SLC52A1: variants seen among roughly 807,000 people sequenced by gnomAD.
SLC52A1 encodes solute carrier family 52, riboflavin transporter, member 1.
Under a neutral mutation model 23.2 loss-of-function variants are expected in SLC52A1, and 20 were observed. That is an observed-to-expected ratio of 0.86 (90% confidence interval 0.61 to 1.25). The LOEUF (loss-of-function observed/expected upper bound fraction) is 1.25, where lower values mean the gene tolerates loss of function less well. Ranked by LOEUF, SLC52A1 falls within the 50% of genes most tolerant of loss-of-function variation. The pLI is 0.00. For synonymous variants in SLC52A1, 260 were observed against 256.6 expected, an observed-to-expected ratio of 1.01 and a Z score of -0.13; for missense variants, 528 against 557.0, an observed-to-expected ratio of 0.95 and a Z score of 0.52.
At position 5,034,325 on chromosome 17, in the gene SLC52A1, A is replaced by G; in HGVS notation, c.164T>C (p.Val55Ala). 1 of 1,588,186 alleles carries G rather than the reference A, an allele frequency of 6.3e-7. No individual in the cohort carries two copies. The highest frequency in any genetic ancestry group is 8.6e-7 in the Non-Finnish European group (1 of 1,167,548). ...CAGCAGACCCAGGTTTCCCAGCGCC[A>G]CAACCACAGAGAGGTATGAGGGGAG... ...WSLPSYLSVV[V>A]ALGNLGLLVV... The change falls in exon 3 of 5, where the codon GTG becomes GCG. Residue 55 changes from valine (V) to alanine (A), a missense_variant. Physicochemically the swap from Val to Ala is moderately conservative, Grantham distance 64 (BLOSUM62 0). Coordinates refer to ENST00000254853, the MANE Select transcript of SLC52A1 (RefSeq NM_017986.4).
chr17:5,037,744 G>A (rs566544108), upstream of SLC52A1, among the ~76,000 whole-genome samples: 330 of 152,156 alleles, frequency 2.2e-3, no homozygotes, highest in African/African-American at 7.7e-3. Flanking sequence ...GTACGTTTGC[G>A]CGGAGGAGGC....
At chr17:5,039,547 C>T (rs1975520450), upstream of SLC52A1, among the ~76,000 whole-genome samples, 1 of 151,616 alleles carries the variant, frequency 6.6e-6, no homozygotes, top group South Asian at 2.1e-4. Context: ...TCTCGGCTCA[C>T]CGCAACATCC....
chr17:5,033,555 C>G lies in SLC52A1; in HGVS notation c.934G>C (p.Ala312Pro). 6.2e-7 allele frequency: 1 copy of G among 1,613,882 alleles called. No individual in the cohort carries two copies. Among genetic ancestry groups the G allele is most frequent in the South Asian group, 1.1e-5 (1 of 91,062 alleles). ...SFSCLPYGRL[A>P]YHLAVVLGSA... ...CCCAGCACCACAGCCAGGTGGTAGG[C>G]CAGGCGCCCATAGGGCAAACAGGAA... Residue 312 changes from alanine (A) to proline (P), a missense_variant, in exon 3 of 5, where the codon GCC (alanine) becomes CCC (proline). Coordinates refer to ENST00000254853, the MANE Select transcript of SLC52A1 (RefSeq NM_017986.4).
rs137937212 is a variant in SLC52A1 at position 5,034,271 on chromosome 17, G to A, written c.218C>T (p.Pro73Leu). 124 of 1,609,324 alleles carry A rather than the reference G, an allele frequency of 7.7e-5. 1 individual carries two copies. Among genetic ancestry groups the A allele is most frequent in the Admixed American group, 2.9e-4 (17 of 59,630 alleles). Reference sequence around the variant, plus strand: ...GATGGGGACCTGCTCGCCCTTGCCCGGGGCCAGCTGCCTCCACAGGGTCAC... The same window carrying A: ...GATGGGGACCTGCTCGCCCTTGCCCAGGGCCAGCTGCCTCCACAGGGTCAC... ...LVVTLWRQLA[P>L]GKGEQVPIQV... The change falls in exon 3 of 5, where the codon CCG becomes CTG. Residue 73 changes from proline to leucine, a missense_variant. Coordinates refer to ENST00000254853, the MANE Select transcript of SLC52A1 (RefSeq NM_017986.4).
chr17:5,042,042 C>A (rs998442526), intron 1 of SLC52A1, among the ~76,000 whole-genome samples: 1 of 152,152 alleles, frequency 6.6e-6, no homozygotes, highest in Non-Finnish European at 1.5e-5. Context: ...AGCCGTCCAA[C>A]TTCCAATTTT....
chr17:5,033,799 C>T lies in SLC52A1; in HGVS notation c.690G>A (p.Gly230=). 1 of 1,614,224 alleles carries T rather than the reference C, an allele frequency of 6.2e-7. No individual in the cohort carries two copies. The highest frequency in any genetic ancestry group is 8.5e-7 in the Non-Finnish European group (1 of 1,180,042). Residue 230 remains glycine (G), a synonymous_variant, in exon 3 of 5, where the codon GGG becomes GGA. Coordinates refer to ENST00000254853, the MANE Select transcript of SLC52A1 (RefSeq NM_017986.4). ...SLPSVTTGGS[G]PELQLGSPGA... is the part of the protein sequence containing the mutation. ...CTGGGGATCCCAGTTGAAGTTCAGG[C>T]CCTGAGCCCCCTGTGGTTACAGAGG...
chr17:5,037,425 A>G (rs1011535954), upstream of SLC52A1, among the ~76,000 whole-genome samples: 1 of 152,096 alleles, frequency 6.6e-6, no homozygotes, highest in Non-Finnish European at 1.5e-5. Context: ...AGGCTGAGAT[A>G]TGAGAATCGC....
rs772093353 is a variant in SLC52A1 at position 5,033,639 on chromosome 17, C to CCAG, written c.847_849dup (p.Leu283dup). ...ACGGCACTGGTGAAGGCCATCAGGC[C>CCAG]CAGCAGGAAGGCACCATGGGCTGAG... is the stretch of plus-strand genomic sequence containing the variant. On this transcript the variant is annotated inframe_insertion, in exon 3 of 5. Coordinates refer to ENST00000254853, the MANE Select transcript of SLC52A1 (RefSeq NM_017986.4). 165 of 1,613,928 alleles carry CCAG rather than the reference C, an allele frequency of 1.0e-4. No individual in the cohort carries two copies. Among genetic ancestry groups the CCAG allele is most frequent in the Non-Finnish European group, 3.3e-5 (39 of 1,180,024 alleles).
upstream of SLC52A1, among the ~76,000 whole-genome samples, chr17:5,037,007 G>GA (rs199623476): frequency 3.8e-4 from 57 of 150,398 alleles, no homozygotes; most frequent in East Asian, 3.9e-3. Flanking sequence ...TAAATGGTTG[G>GA]AAAAAAAAAT....
upstream of SLC52A1, among the ~76,000 whole-genome samples, chr17:5,036,694 G>A (rs968450075): frequency 6.6e-6 from 1 of 152,102 alleles, no homozygotes; most frequent in Non-Finnish European, 1.5e-5. Context: ...TTACAGGCGT[G>A]AGCCACCATG....
In SLC52A1 at chr17:5,032,976, A is replaced by G; in HGVS notation, c.1328T>C (p.Val443Ala). 1 of 1,613,784 alleles carries G rather than the reference A, an allele frequency of 6.2e-7. No homozygotes were observed. ...CCAGGCTCAGGGGCCACAGGGGTCT[A>G]CACAGTCCTTTCTGCTTTGAAACAC... ...YHVFQSRKDC[V>A]DPCGP Residue 443 changes from valine to alanine, a missense_variant, in exon 5 of 5, where the codon GTA (valine) becomes GCA (alanine). Transcript: ENST00000254853.
upstream of SLC52A1, among the ~76,000 whole-genome samples, chr17:5,039,708 G>A (rs1010229311): frequency 2.6e-5 from 4 of 152,128 alleles, no homozygotes; most frequent in Non-Finnish European, 4.4e-5. Context: ...CTGACCTCAG[G>A]TGATCCGCCC....
chr17:5,033,656 T>C lies in SLC52A1; in HGVS notation c.833A>G (p.His278Arg), dbSNP rs1015702226. ...DPEAHQLFSAHGAFLLGLMAF... is the reference protein window; with the variant it reads ...DPEAHQLFSARGAFLLGLMAF... ...CATCAGGCCCAGCAGGAAGGCACCA[T>C]GGGCTGAGAACAGCTGATGGGCCTC... Residue 278 changes from histidine (H) to arginine (R), a missense_variant, in exon 3 of 5, where the codon CAT becomes CGT. Physicochemically the swap from His to Arg is conservative, Grantham distance 29 (BLOSUM62 0). Coordinates refer to ENST00000254853, the MANE Select transcript of SLC52A1 (RefSeq NM_017986.4). 6.2e-7 allele frequency: 1 copy of C among 1,614,016 alleles called. No homozygotes were observed. The highest frequency in any genetic ancestry group is 8.5e-7 in the Non-Finnish European group (1 of 1,179,986).
At chr17:5,039,669 A>C (rs1975521988), upstream of SLC52A1, among the ~76,000 whole-genome samples, 1 of 151,988 alleles carries the variant, frequency 6.6e-6, no homozygotes, top group Admixed American at 6.6e-5. Context: ...ATGGGGTTTC[A>C]CCATGTTGGC....
chr17:5,038,668 G>C (rs1047005223), upstream of SLC52A1, among the ~76,000 whole-genome samples: 1 of 151,694 alleles, frequency 6.6e-6, no homozygotes, highest in Non-Finnish European at 1.5e-5. Context: ...CTCACTGCAA[G>C]CTCTGCCTCC....
At chr17:5,038,778 C>CG (rs1293478082), upstream of SLC52A1, among the ~76,000 whole-genome samples, 1 of 151,736 alleles carries the variant, frequency 6.6e-6, no homozygotes, top group African/African-American at 2.4e-5. Flanking sequence ...TTAGTAGAGA[C>CG]GGGGTTTCAC....
chr17:5,038,857 C>T (rs528133530), upstream of SLC52A1, among the ~76,000 whole-genome samples: 130 of 151,934 alleles, frequency 8.6e-4, no homozygotes, highest in Admixed American at 1.8e-3. Flanking sequence ...CAAACTGTTG[C>T]GATTACAGGC....
In SLC52A1 at chr17:5,034,354, C is replaced by A. The variant is rs748184100; in HGVS notation, c.135G>T (p.Trp45Cys). 1.3e-6 allele frequency: 2 copies of A among 1,581,050 alleles called. No individual in the cohort carries two copies. The highest frequency in any genetic ancestry group is 1.7e-6 in the Non-Finnish European group (2 of 1,162,928). ...PVVVKDLPEG[W>C]SLPSYLSVVV... ...CCACAGAGAGGTATGAGGGGAGGCT[C>A]CAACCTGCAGGGAAGGAATGATGCC... Residue 45 changes from tryptophan to cysteine, a missense_variant, in exon 3 of 5, where the codon TGG (tryptophan) becomes TGT (cysteine). By Grantham distance (215) the Trp-to-Cys change is radical. Transcript: ENST00000254853.
At chr17:5,036,226 C>T (rs1975453458), upstream of SLC52A1, among the ~76,000 whole-genome samples, 3 of 150,470 alleles carry the variant, frequency 2.0e-5, no homozygotes, top group African/African-American at 4.9e-5. Context: ...CACAGGGTCT[C>T]GCCATGTTAG....
Sources: gnomAD v4.1 joint callset for allele counts (sites outside exome capture counted in the v4.1 genomes callset) on GRCh38, gnomAD v4.1.1 for gene constraint, MANE v1.5 for transcripts, NCBI Gene and HGNC (gene_info 2026-07-23, HGNC 2026-07-21) for gene names.